The following BRINP3 variants were observed in gnomAD, a reference collection of about 807,000 sequenced individuals.
BRINP3 encodes BMP/retinoic acid inducible neural specific 3.
A neutral mutation model predicts 71.0 loss-of-function variants in BRINP3; 19 were observed. The ratio of observed to expected loss-of-function variants is 0.27; its 90% CI spans 0.19 to 0.39. The LOEUF is 0.39. Among genes scored for constraint, BRINP3 ranks in the 10% least tolerant of loss-of-function variants. BRINP3 has a pLI of 1.00. For missense variants in BRINP3, 959 were observed against 940.8 expected, an observed-to-expected ratio of 1.02 and a Z score of -0.25; for synonymous variants, 380 against 337.7, an observed-to-expected ratio of 1.13 and a Z score of -1.37.
intron 4 of BRINP3, among the ~76,000 whole-genome samples, chr1:190,260,461 TAAATGTA>T (rs1278062421): frequency 1.3e-5 from 2 of 152,110 alleles, no homozygotes; most frequent in Non-Finnish European, 2.9e-5. Flanking sequence ...ATCTTTCCTA[TAAATGTA>T]AAATATAAAA....
At chr1:190,211,693 C>T (rs1656002674) in intron 6 of BRINP3, among the ~76,000 whole-genome samples, 1 of 152,022 alleles carries the variant, frequency 6.6e-6, no homozygotes, top group South Asian at 2.1e-4. Context: ...AAACATCAGG[C>T]CAACTGGAAC....
intron 2 of BRINP3, among the ~76,000 whole-genome samples, chr1:190,392,077 AATT>A (rs1298903998): frequency 1.3e-5 from 2 of 151,440 alleles, no homozygotes; most frequent in Admixed American, 6.6e-5. Context: ...AAAATGATTT[AATT>A]GAAAGACTCT....
intron 6 of BRINP3, among the ~76,000 whole-genome samples, chr1:190,166,966 C>T (rs924313200): frequency 6.6e-6 from 1 of 152,058 alleles, no homozygotes; most frequent in Non-Finnish European, 1.5e-5. Flanking sequence ...CTCGGGTGAT[C>T]TGCCCGCCTC....
rs1468185970 is a variant in BRINP3 at position 190,177,380 on chromosome 1, G to T, written c.962-16490C>A. ...TTTTTAGTAGAGACGGGGTTTCACC[G>T]TGTTAGCCAGGATGGTCTCGATCTC... On this transcript the variant is annotated intron_variant, in intron 6 of 7. Transcript: ENST00000367462. 8.4e-5 allele frequency among the ~76,000 whole-genome samples: 11 copies of T among 131,658 alleles called. No homozygotes were observed. In the Admixed American group the frequency reaches 8.5e-4, roughly 10 times the overall value. The allele number at this position is 131,658 out of a possible 152,430, so 86.4% of individuals were successfully genotyped here.
At chr1:190,310,844 A>T (rs766725098) in intron 2 of BRINP3, among the ~76,000 whole-genome samples, 1 of 151,790 alleles carries the variant, frequency 6.6e-6, no homozygotes, top group African/African-American at 2.4e-5. Flanking sequence ...CAAATCCATG[A>T]GGTAAGAATA....
In BRINP3 at chr1:190,160,844, G is replaced by A; in HGVS notation, c.1008C>T (p.Leu336=). The change falls in exon 7 of 8, where the codon CTC becomes CTT. Residue 336 remains leucine, a synonymous_variant. Transcript: ENST00000367462. Reference sequence around the variant, plus strand: ...ACAAATGCATTATAGTAGATGTGTTGAGGAAATAATTCATAGGTAGCCTTT... The same window carrying A: ...ACAAATGCATTATAGTAGATGTGTTAAGGAAATAATTCATAGGTAGCCTTT... ...FMKRLPMNYF[L]NTSTIMHLWT... 6.2e-7 allele frequency: 1 copy of A among 1,612,822 alleles called. No individual in the cohort carries two copies. The highest frequency in any genetic ancestry group is 8.5e-7 in the Non-Finnish European group (1 of 1,179,400).
At chr1:190,387,953 A>C (rs1412214822) in intron 2 of BRINP3, among the ~76,000 whole-genome samples, 1 of 151,892 alleles carries the variant, frequency 6.6e-6, no homozygotes, top group Non-Finnish European at 1.5e-5. Flanking sequence ...TATTGTGGTC[A>C]GAGCAATATT....
intron 7 of BRINP3, among the ~76,000 whole-genome samples, chr1:190,156,747 G>A (rs1166171081): frequency 6.6e-6 from 1 of 151,950 alleles, no homozygotes; most frequent in Non-Finnish European, 1.5e-5. Flanking sequence ...AGAAAATTCT[G>A]TGGCAATATT....
At chr1:190,406,592 CAT>C (rs540629202) in intron 2 of BRINP3, among the ~76,000 whole-genome samples, 91 of 152,246 alleles carry the variant, frequency 6.0e-4, no homozygotes, top group African/African-American at 2.2e-3. Context: ...CCTGCTGTGA[CAT>C]ATACCAGTTA....
chr1:190,406,499 A>T (rs1261973209), intron 2 of BRINP3, among the ~76,000 whole-genome samples: 4 of 152,218 alleles, frequency 2.6e-5, no homozygotes, highest in Non-Finnish European at 5.9e-5. Context: ...GATATAAAAT[A>T]GAGTACATTT....
chr1:190,297,795 T>TGTGTGC (rs749514106), intron 2 of BRINP3, among the ~76,000 whole-genome samples: 18 of 151,554 alleles, frequency 1.2e-4, no homozygotes, highest in Non-Finnish European at 2.5e-4. Context: ...TGTGTGTGTG[T>TGTGTGC]GTGTGTGTGC....
intron 2 of BRINP3, among the ~76,000 whole-genome samples, chr1:190,298,514 G>C (rs1000136935): frequency 2.0e-5 from 3 of 151,210 alleles, no homozygotes; most frequent in Non-Finnish European, 3.0e-5. Flanking sequence ...CACAATTTTT[G>C]ATATTTGTGT....
chr1:190,446,775 A>G (rs987700736), intron 2 of BRINP3, among the ~76,000 whole-genome samples: 1 of 152,042 alleles, frequency 6.6e-6, no homozygotes, highest in African/African-American at 2.4e-5. Flanking sequence ...GAGTGAATAC[A>G]GTTGGTTTTT....
chr1:190,229,623 A>G (rs1328359074), intron 5 of BRINP3, among the ~76,000 whole-genome samples: 1 of 148,720 alleles, frequency 6.7e-6, no homozygotes, highest in Non-Finnish European at 1.5e-5. Flanking sequence ...CTACATACCC[A>G]GAGTAAAGAA....
chr1:190,390,083 G>C (rs1171384), intron 2 of BRINP3, among the ~76,000 whole-genome samples: 1 of 151,392 alleles, frequency 6.6e-6, no homozygotes, highest in African/African-American at 2.4e-5. Context: ...ACAACTACTA[G>C]AGCAGTAACT....
intron 6 of BRINP3, chr1:190,217,020 C>T (rs982579099): frequency 6.6e-6 from 1 of 151,922 alleles, no homozygotes; most frequent in African/African-American, 2.4e-5. Context: ...TAACCTAAAA[C>T]TCCATTCCAA....
chr1:190,211,011 G>T (rs1455659953), intron 6 of BRINP3, among the ~76,000 whole-genome samples: 1 of 152,020 alleles, frequency 6.6e-6, no homozygotes, highest in African/African-American at 2.4e-5. Flanking sequence ...CCAGTGATTT[G>T]CCAGGGGCTC....
Position 190,098,257 on chromosome 1 carries a change from C to G in BRINP3, c.2062G>C (p.Asp688His). Residue 688 changes from aspartate to histidine, a missense_variant, in exon 8 of 8, where the codon GAC becomes CAC. Physicochemically the swap from Asp to His is moderately conservative, Grantham distance 81 (BLOSUM62 -1). Coordinates refer to ENST00000367462, the MANE Select transcript of BRINP3 (RefSeq NM_199051.3). ...TGGGATCCCTGAGTATAGGGGTAGTCCAGCTGCAAAATCAGGTCCCGAATT... is the reference window on the plus strand; with the variant it reads ...TGGGATCCCTGAGTATAGGGGTAGTGCAGCTGCAAAATCAGGTCCCGAATT... Reference protein sequence around the residue: ...EAIRDLILQLDYPYTQGSQDS... With the variant: ...EAIRDLILQLHYPYTQGSQDS... 3 of 1,614,120 alleles carry G rather than the reference C, an allele frequency of 1.9e-6. No homozygotes were observed. Among genetic ancestry groups the G allele is most frequent in the Non-Finnish European group, 1.7e-6 (2 of 1,180,022 alleles).
chr1:190,407,712 T>C (rs551809338), intron 2 of BRINP3, among the ~76,000 whole-genome samples: 1 of 152,290 alleles, frequency 6.6e-6, no homozygotes, highest in Non-Finnish European at 1.5e-5. Flanking sequence ...ATTTTATGCC[T>C]TTGGTTTTCA....
Sources: gnomAD v4.1 joint callset for allele counts (sites outside exome capture counted in the v4.1 genomes callset) on GRCh38, gnomAD v4.1.1 for gene constraint, MANE v1.5 for transcripts, NCBI Gene and HGNC (gene_info 2026-07-23, HGNC 2026-07-21) for gene names.